PSD3: variants seen among roughly 807,000 people sequenced by gnomAD.
PSD3 encodes PH and SEC7 domain-containing protein 3.
PSD3 carries 49 observed loss-of-function variants against 105.5 expected under a neutral mutation model. That is an observed-to-expected ratio of 0.46 (90% confidence interval 0.37 to 0.59). The LOEUF is 0.59. Ranked by LOEUF, PSD3 falls within the 20% of genes least tolerant of loss-of-function variation. The probability of loss-of-function intolerance (pLI) is 0.00; values close to 1 mark genes in which losing one functional copy is unlikely to be tolerated. For synonymous variants in PSD3, 557 were observed against 457.8 expected (o/e 1.22, Z -2.77); for missense variants, 1,561 against 1,263.8 (o/e 1.24, Z -3.57).
At chr8:18,739,157 GGAA>G (rs1804374334) in intron 9 of PSD3, among the ~76,000 whole-genome samples, 1 of 152,074 alleles carries the variant, frequency 6.6e-6, no homozygotes, top group African/African-American at 2.4e-5. Context: ...ATATATTTAA[GGAA>G]GAATATTAAC....
At chr8:18,909,644 C>T (rs1820074533) in intron 2 of PSD3, among the ~76,000 whole-genome samples, 1 of 151,942 alleles carries the variant, frequency 6.6e-6, no homozygotes, top group Non-Finnish European at 1.5e-5. Context: ...TTACCATGCC[C>T]GGCTAATTTT....
At chr8:18,776,975 T>C (rs1185890547) in intron 8 of PSD3, among the ~76,000 whole-genome samples, 1 of 152,112 alleles carries the variant, frequency 6.6e-6, no homozygotes, top group African/African-American at 2.4e-5. Flanking sequence ...AGTAGTTATG[T>C]CTCTTTTTTT....
At chr8:18,610,616 A>G (rs1805192104) in intron 11 of PSD3, among the ~76,000 whole-genome samples, 1 of 152,044 alleles carries the variant, frequency 6.6e-6, no homozygotes, top group South Asian at 2.1e-4. Flanking sequence ...TTTTAACAGA[A>G]CCTATACCTA....
intron 14 of PSD3, 105 bp from the exon 15 acceptor site, chr8:18,556,457 T>A: frequency 8.5e-7 from 1 of 1,177,644 alleles, no homozygotes; most frequent in Non-Finnish European, 1.2e-6. Context: ...TTTAATTCAC[T>A]AAAACAGCCC....
In PSD3 at chr8:18,872,615, A is replaced by G; in HGVS notation, c.249T>C (p.Ala83=). ...LRASLEFDGE[A]LPCHPQEQQG... ...GCTGCTCTTGTGGGTGGCATGGCAG[A>G]GCCTCACCATCAAATTCCAGAGAAG... is the stretch of plus-strand genomic sequence containing the variant. The change falls in exon 3 of 16, where the codon GCT becomes GCC. Residue 83 remains alanine (A), a synonymous_variant. Transcript: ENST00000327040. 2 of 1,614,074 alleles carry G rather than the reference A, an allele frequency of 1.2e-6. No individual in the cohort carries two copies. The highest frequency in any genetic ancestry group is 1.7e-6 in the Non-Finnish European group (2 of 1,180,006).
At chr8:18,795,104 C>G (rs1810055409) in intron 8 of PSD3, among the ~76,000 whole-genome samples, 1 of 152,134 alleles carries the variant, frequency 6.6e-6, no homozygotes, top group Non-Finnish European at 1.5e-5. Context: ...TTTTTTAACA[C>G]TGTTCTGTGA....
intron 2 of PSD3, among the ~76,000 whole-genome samples, chr8:18,922,108 A>G (rs908566129): frequency 1.3e-5 from 2 of 152,252 alleles, no homozygotes; most frequent in African/African-American, 2.4e-5. Context: ...TGAAGAGTAG[A>G]TAGTTTATTC....
intron 3 of PSD3, 40 bp from the exon 4 acceptor site, chr8:18,868,109 T>G: frequency 6.5e-7 from 1 of 1,534,142 alleles, no homozygotes; most frequent in Non-Finnish European, 8.8e-7. Context: ...AATATTAGGT[T>G]AATGTCTTTA....
At chr8:18,783,693 G>A (rs971380057) in intron 8 of PSD3, among the ~76,000 whole-genome samples, 2 of 152,114 alleles carry the variant, frequency 1.3e-5, no homozygotes, top group African/African-American at 4.8e-5. Context: ...GAGTGCAGTG[G>A]CACAATCTCA....
intron 1 of PSD3, among the ~76,000 whole-genome samples, chr8:18,943,118 T>C (rs181442977): frequency 3.3e-5 from 5 of 152,290 alleles, no homozygotes; most frequent in Admixed American, 3.3e-4. Context: ...AGAAGCTGCC[T>C]GGGTATAGAG....
intron 10 of PSD3, among the ~76,000 whole-genome samples, chr8:18,650,960 A>G (rs1808427475): frequency 2.6e-5 from 4 of 152,190 alleles, no homozygotes; most frequent in Admixed American, 2.0e-4. Flanking sequence ...TTCCCACCAT[A>G]CTGGACTTGG....
At chr8:18,922,776 A>G (rs1427662831) in intron 2 of PSD3, among the ~76,000 whole-genome samples, 1 of 152,216 alleles carries the variant, frequency 6.6e-6, no homozygotes, top group Non-Finnish European at 1.5e-5. Flanking sequence ...ATCAGCTCAC[A>G]GAACACAGGG....
In PSD3 at chr8:18,813,219, T is replaced by C. The variant is rs181102997; in HGVS notation, c.1635-8321A>G. Reference sequence around the variant, plus strand: ...TGACTTAAAAGCTGGTGGAAGGTGATGCCACCAAACAAGACAATGAACACA... The same window carrying C: ...TGACTTAAAAGCTGGTGGAAGGTGACGCCACCAAACAAGACAATGAACACA... On this transcript the variant is annotated intron_variant, in intron 4 of 15. Coordinates refer to ENST00000327040, the MANE Select transcript of PSD3 (RefSeq NM_015310.4). 8.5e-5 allele frequency among the ~76,000 whole-genome samples: 13 copies of C among 152,240 alleles called. No homozygotes were observed. The East Asian group carries it at 2.5e-3, about 29-fold the overall frequency.
intron 6 of PSD3, chr8:18,804,302 G>A (rs1810996684): frequency 2.4e-6 from 1 of 412,164 alleles, no homozygotes; most frequent in African/African-American, 2.1e-5. Context: ...TTTCAGATTT[G>A]GGATGTTCAC....
At chr8:18,938,610 C>T (rs1160337695) in intron 1 of PSD3, among the ~76,000 whole-genome samples, 1 of 113,670 alleles carries the variant, frequency 8.8e-6, no homozygotes, top group Non-Finnish European at 1.7e-5. Flanking sequence ...GCGACAAAAG[C>T]GAAAATCCGT....
At chr8:18,983,451 T>C (rs1052502782) in intron 1 of PSD3, among the ~76,000 whole-genome samples, 5 of 152,232 alleles carry the variant, frequency 3.3e-5, no homozygotes, top group African/African-American at 4.8e-5. Flanking sequence ...TGGCCTGGCT[T>C]CAACACGCCC....
intron 9 of PSD3, among the ~76,000 whole-genome samples, chr8:18,752,633 A>T (rs866934330): frequency 0.035 from 2,468 of 69,734 alleles, 185 homozygotes; most frequent in African/African-American, 0.12. Flanking sequence ...TATTATATAT[A>T]ATATATATAA....
At chr8:18,715,788 C>G (rs981706745) in intron 9 of PSD3, among the ~76,000 whole-genome samples, 8 of 152,172 alleles carry the variant, frequency 5.3e-5, no homozygotes, top group African/African-American at 1.9e-4. Context: ...TCTTCTTACT[C>G]CAACCCTCCA....
chr8:18,860,434 G>A (rs1220461148), intron 4 of PSD3, among the ~76,000 whole-genome samples: 1 of 150,770 alleles, frequency 6.6e-6, no homozygotes, highest in African/African-American at 2.5e-5. Context: ...TTGAGGCAGG[G>A]TTACCACAAA....
Sources: allele counts gnomAD v4.1 joint callset (sites outside exome capture counted in the v4.1 genomes callset), GRCh38; gene constraint gnomAD v4.1.1; transcripts MANE v1.5; gene names NCBI Gene and HGNC (gene_info 2026-07-23, HGNC 2026-07-21).